The following CD5 variants were observed in gnomAD, a reference collection of about 807,000 sequenced individuals.
CD5 encodes T-cell surface glycoprotein CD5.
A neutral mutation model predicts 60.3 loss-of-function variants in CD5; 36 were observed. The observed-to-expected ratio is 0.60, with a 90% CI of 0.46 to 0.79. CD5 has a LOEUF of 0.79. Ranked by LOEUF, CD5 falls within the 30% of genes least tolerant of loss-of-function variation. The pLI is 0.00. For missense variants in CD5, 540 were observed against 630.6 expected, an observed-to-expected ratio of 0.86 and a Z score of 1.54; for synonymous variants, 230 against 257.6, an observed-to-expected ratio of 0.89 and a Z score of 1.03.
chr11:61,103,905 C>T, intron 1 of CD5, among the ~76,000 whole-genome samples: 2 of 48,976 alleles, frequency 4.1e-5, no homozygotes, highest in Non-Finnish European at 6.9e-5. Context: ...TGTGTGAGTA[C>T]TGTGTGTGGG....
the CD5 span, among the ~76,000 whole-genome samples, chr11:61,097,235 A>G: frequency 1.3e-5 from 2 of 152,220 alleles, no homozygotes; most frequent in Non-Finnish European, 2.9e-5. Context: ...GTCAATGGCC[A>G]TGGGAAGCCC....
At chr11:61,100,145 A>T (rs1487080305), upstream of CD5, among the ~76,000 whole-genome samples, 1 of 142,898 alleles carries the variant, frequency 7.0e-6, no homozygotes, top group Non-Finnish European at 1.5e-5. Flanking sequence ...CAACATGGAG[A>T]TCACACACAC....
At chr11:61,116,790 AC>A (rs1404720643) in intron 2 of CD5, among the ~76,000 whole-genome samples, 3 of 139,224 alleles carry the variant, frequency 2.2e-5, no homozygotes, top group Admixed American at 7.2e-5. Flanking sequence ...ACACACACAC[AC>A]CACCTGCACA....
chr11:61,108,789 T>C (rs144999840), intron 1 of CD5, among the ~76,000 whole-genome samples: 40 of 152,322 alleles, frequency 2.6e-4, no homozygotes, highest in Admixed American at 3.3e-4. Flanking sequence ...AAATCAGTCA[T>C]AGGTGTTTTA....
chr11:61,124,584 C>T (rs1205390290), intron 8 of CD5, among the ~76,000 whole-genome samples: 2 of 152,146 alleles, frequency 1.3e-5, no homozygotes, highest in Non-Finnish European at 1.5e-5. Context: ...CTCTTCCTGC[C>T]TCCCATTCTG....
rs1447812664 is a variant in CD5 at position 61,102,534 on chromosome 11, G to A, written c.-27G>A. 6 of 1,481,594 alleles carry A rather than the reference G, an allele frequency of 4.0e-6. No individual in the cohort carries two copies. The East Asian group carries it at 1.1e-4, about 27-fold the overall frequency. 91.8% of individuals were successfully genotyped at this position (1,481,594 alleles called of 1,614,324 possible). On this transcript the variant is annotated 5_prime_UTR_variant, in exon 1 of 11. Transcript: ENST00000347785. ...CTCACCTGCGGTGCCCAGCTGCCCA[G>A]GCTGAGGCAAGAGAAGGCCAGAAAC...
chr11:61,114,310 T>A (rs900704342), intron 1 of CD5, among the ~76,000 whole-genome samples: 2 of 151,992 alleles, frequency 1.3e-5, no homozygotes, highest in African/African-American at 4.8e-5. Flanking sequence ...TTTAAAAAAA[T>A]TGATGGCCTG....
rs199785003 is a variant in CD5 at position 61,122,993 on chromosome 11, G to A, written c.1186G>A (p.Val396Met). 1.6e-4 allele frequency: 251 copies of A among 1,613,996 alleles called. No individual in the cohort carries two copies. Among genetic ancestry groups the A allele is most frequent in the Admixed American group, 3.3e-4 (20 of 60,006 alleles). ...ALVLLVVLLV[V>M]CGPLAYKKLV... ...GGTGCTCCTGGTGGTGCTGCTGGTCGTGTGCGGCCCCCTTGCCTACAAGAA... is the reference window on the plus strand; with the variant it reads ...GGTGCTCCTGGTGGTGCTGCTGGTCATGTGCGGCCCCCTTGCCTACAAGAA... The change falls in exon 7 of 11, where the codon GTG becomes ATG. Residue 396 changes from valine (V) to methionine (M), a missense_variant. Val to Met is a conservative substitution (Grantham distance 21). Coordinates refer to ENST00000347785, the MANE Select transcript of CD5 (RefSeq NM_014207.4).
At chr11:61,113,363 G>A (rs1002291854) in intron 1 of CD5, among the ~76,000 whole-genome samples, 8 of 152,176 alleles carry the variant, frequency 5.3e-5, no homozygotes, top group South Asian at 2.1e-4. Context: ...TGAGAGCCCC[G>A]CAATGGGCAA....
At chr11:61,123,783 C>A in intron 7 of CD5, 101 bp from the exon 8 acceptor site, 1 of 913,014 alleles carries the variant, frequency 1.1e-6, no homozygotes, top group Non-Finnish European at 1.7e-6. Context: ...GCACCTGCCG[C>A]CACCATCTCC....
At chr11:61,114,994 GCT>G in intron 1 of CD5, 60 bp from the exon 2 acceptor site, 1 of 1,499,398 alleles carries the variant, frequency 6.7e-7, no homozygotes, top group Non-Finnish European at 9.1e-7. Context: ...GGGTGGGTGA[GCT>G]GGGGAGAAGG....
chr11:61,109,792 C>A (rs969511875), intron 1 of CD5, among the ~76,000 whole-genome samples: 1 of 152,094 alleles, frequency 6.6e-6, no homozygotes, highest in Admixed American at 6.5e-5. Flanking sequence ...CCTGGGTTTG[C>A]CCAGTCCAGG....
upstream of CD5, among the ~76,000 whole-genome samples, chr11:61,098,772 C>T (rs937717776): frequency 3.4e-4 from 52 of 152,312 alleles, no homozygotes; most frequent in East Asian, 5.6e-3. Flanking sequence ...CTGATGCTCC[C>T]GGCTGAATAA....
upstream of CD5, among the ~76,000 whole-genome samples, chr11:61,100,958 A>G (rs1329879118): frequency 1.5e-5 from 2 of 131,804 alleles, no homozygotes; most frequent in Non-Finnish European, 3.2e-5. Flanking sequence ...CACACACATC[A>G]ACATGGAGAT....
At chr11:61,106,136 A>AAG (rs1048469206) in intron 1 of CD5, among the ~76,000 whole-genome samples, 1 of 151,434 alleles carries the variant, frequency 6.6e-6, no homozygotes, top group African/African-American at 2.4e-5. Flanking sequence ...AAAAAAAAAA[A>AAG]AAAAAAAAGG....
chr11:61,101,942 A>T (rs1860699384), upstream of CD5, among the ~76,000 whole-genome samples: 1 of 151,946 alleles, frequency 6.6e-6, no homozygotes, highest in African/African-American at 2.4e-5. Context: ...ACACACACAC[A>T]CACACACACA....
rs1387307390 is a variant in CD5 at position 61,103,910 on chromosome 11, T to TG, written c.55+1296dup. Among the ~76,000 whole-genome samples the TG allele has an allele frequency of 6.3e-4, 33 of 52,754 alleles. 2 individuals carry two copies. The highest frequency in any genetic ancestry group is 9.7e-4 in the East Asian group (2 of 2,072). 34.6% of individuals were successfully genotyped at this position (52,754 alleles called of 152,430 possible). ...TCTGGGCATGTGTGTGAGTACTGTG[T>TG]GTGGGGGGGGAATGTGTGACTCTGT... On this transcript the variant is annotated intron_variant, in intron 1 of 10. Coordinates refer to ENST00000347785, the MANE Select transcript of CD5 (RefSeq NM_014207.4).
At chr11:61,110,411 C>T (rs771909418) in intron 1 of CD5, among the ~76,000 whole-genome samples, 71 of 152,182 alleles carry the variant, frequency 4.7e-4, no homozygotes, top group Non-Finnish European at 8.1e-4. Context: ...AATCTAACTT[C>T]CTTACTTTAC....
chr11:61,108,910 A>G (rs1282649290), intron 1 of CD5, among the ~76,000 whole-genome samples: 1 of 152,194 alleles, frequency 6.6e-6, no homozygotes, highest in African/African-American at 2.4e-5. Context: ...GGATGCTGTC[A>G]TTTTATTATC....
Sources: gnomAD v4.1 joint callset for allele counts (sites outside exome capture counted in the v4.1 genomes callset) on GRCh38, gnomAD v4.1.1 for gene constraint, MANE v1.5 for transcripts, NCBI Gene and HGNC (gene_info 2026-07-23, HGNC 2026-07-21) for gene names.